Variants in TRIM36 observed in about 807,000 individuals in gnomAD.
TRIM36 encodes E3 ubiquitin-protein ligase TRIM36.
TRIM36 carries 42 observed loss-of-function variants against 72.4 expected under a neutral mutation model. The observed-to-expected ratio is 0.58, with a 90% CI of 0.45 to 0.75. TRIM36 has a LOEUF of 0.75. Among genes scored for constraint, TRIM36 ranks in the 30% least tolerant of loss-of-function variants. TRIM36 has a pLI of 0.00. For missense variants in TRIM36, 913 were observed against 857.1 expected (o/e 1.07, Z -0.81); for synonymous variants, 315 against 282.8 (o/e 1.11, Z -1.14).
At chr5:115,141,138 G>T in intron 5 of TRIM36, 141 bp downstream of exon 5, 2 of 596,434 alleles carry the variant, frequency 3.4e-6, no homozygotes. Flanking sequence ...TGTTTCCATA[G>T]CCCCAGAAAA....
Position 115,145,941 on chromosome 5 carries a change from G to C in TRIM36, c.588+1128C>G, listed in dbSNP as rs531997864. ...CCATAGCATTTGCCTATACCATTTT[G>C]GACACCGTTTTAGAATTTTACTATA... is the stretch of plus-strand genomic sequence containing the variant. On this transcript the variant is annotated intron_variant, in intron 3 of 9. Transcript: ENST00000513154. Among the ~76,000 whole-genome samples the C allele has an allele frequency of 5.3e-5, 8 of 152,216 alleles. No individual in the cohort carries two copies. In the South Asian group the frequency reaches 1.7e-3, roughly 32 times the overall value.
chr5:115,136,067 T>TAAGC, intron 7 of TRIM36, among the ~76,000 whole-genome samples: 1 of 152,152 alleles, frequency 6.6e-6, no homozygotes, highest in African/African-American at 2.4e-5. Flanking sequence ...AATACAAACG[T>TAAGC]AAGCAAGTGT....
chr5:115,169,412 G>C (rs1270735348), intron 1 of TRIM36, among the ~76,000 whole-genome samples, 196 bp downstream of exon 1: 1 of 152,258 alleles, frequency 6.6e-6, no homozygotes, highest in African/African-American at 2.4e-5. Context: ...CCGGCTCTCG[G>C]GGATAGAAAG....
chr5:115,135,221 G>C (rs891550648), intron 7 of TRIM36, among the ~76,000 whole-genome samples: 6 of 152,044 alleles, frequency 3.9e-5, no homozygotes, highest in African/African-American at 1.4e-4. Context: ...CGCTATAAAA[G>C]CTACACACAC....
Position 115,137,053 on chromosome 5 carries a change from A to G in TRIM36, c.1157T>C (p.Val386Ala). 1.2e-6 allele frequency: 2 copies of G among 1,611,836 alleles called. No homozygotes were observed. Among genetic ancestry groups the G allele is most frequent in the South Asian group, 1.1e-5 (1 of 90,378 alleles). Residue 386 changes from valine to alanine, a missense_variant, in exon 7 of 10, where the codon GTT (valine) becomes GCT (alanine). Transcript: ENST00000513154. Reference sequence around the variant, plus strand: ...AAGTTCTGTTTGTTTAGAGGTATTAACAACATAGTCTTCAAAAGAAGTCTG... The same window carrying G: ...AAGTTCTGTTTGTTTAGAGGTATTAGCAACATAGTCTTCAAAAGAAGTCTG... ...AAQTSFEDYV[V>A]NTSKQTELLG...
Position 115,147,333 on chromosome 5 carries a change from A to G in TRIM36, c.324T>C (p.His108=), listed in dbSNP as rs1436016700. Reference sequence around the variant, plus strand: ...TTCCTCGTTCTCCAAGATCCACATCATGCTCACAGCCAGGGCAAGGGAAAA... The same window carrying G: ...TTCCTCGTTCTCCAAGATCCACATCGTGCTCACAGCCAGGGCAAGGGAAAA... ...TTVFPCPGCE[H]DVDLGERGIN... Residue 108 remains histidine (H), a synonymous_variant, in exon 3 of 10, where the codon CAT becomes CAC. Transcript: ENST00000513154. The G allele has an allele frequency of 1.2e-6, 2 of 1,614,196 alleles. No individual in the cohort carries two copies. Among genetic ancestry groups the G allele is most frequent in the Non-Finnish European group, 1.7e-6 (2 of 1,180,006 alleles).
At position 115,164,249 on chromosome 5, in the gene TRIM36, T is replaced by C. The variant is rs530922305; in HGVS notation, c.28-497A>G. 2.2e-4 allele frequency among the ~76,000 whole-genome samples: 34 copies of C among 152,336 alleles called. 1 individual carries two copies. The Middle Eastern group carries it at 0.01, about 46-fold the overall frequency. The stretch of plus-strand genomic sequence containing the variant: ...ACCTAGTTGGTATCTATTTACAAGC[T>C]GAATTATCAGCAATTTTCTACATTA... On this transcript the variant is annotated intron_variant, in intron 1 of 9. Coordinates refer to ENST00000513154, the MANE Select transcript of TRIM36 (RefSeq NM_001300759.2).
intron 8 of TRIM36, among the ~76,000 whole-genome samples, chr5:115,131,660 C>T (rs1278898359): frequency 6.6e-6 from 1 of 152,144 alleles, no homozygotes; most frequent in Non-Finnish European, 1.5e-5. Context: ...ATACATGCTA[C>T]AACATGGATA....
At chr5:115,170,594 T>A (rs1755063634), upstream of TRIM36, among the ~76,000 whole-genome samples, 1 of 152,202 alleles carries the variant, frequency 6.6e-6, no homozygotes, top group African/African-American at 2.4e-5. Context: ...GTGAACTTAA[T>A]AGTCCCTGAC....
At chr5:115,152,961 A>AAAC (rs531996588) in intron 2 of TRIM36, among the ~76,000 whole-genome samples, 3 of 152,294 alleles carry the variant, frequency 2.0e-5, no homozygotes, top group South Asian at 2.1e-4. Flanking sequence ...AAGATTTAAA[A>AAAC]AACAACAACA....
At chr5:115,178,558 G>C (rs1409569047) in intron 1 of TRIM36, among the ~76,000 whole-genome samples, 1 of 152,162 alleles carries the variant, frequency 6.6e-6, no homozygotes, top group South Asian at 2.1e-4. Context: ...ATGCACCCTA[G>C]GCCCGAAGGG....
At chr5:115,141,525 G>A (rs933830242) in intron 4 of TRIM36, 151 bp from the exon 5 acceptor site, 30 of 486,740 alleles carry the variant, frequency 6.2e-5, no homozygotes, top group East Asian at 1.7e-4. Context: ...TTATTAACCC[G>A]GAGTAAACAG....
chr5:115,165,442 T>A (rs745869277), intron 1 of TRIM36, among the ~76,000 whole-genome samples: 4 of 152,348 alleles, frequency 2.6e-5, no homozygotes, highest in Non-Finnish European at 5.9e-5. Flanking sequence ...TTGACTTTTG[T>A]GCACTGGTAG....
chr5:115,159,492 A>G (rs1405552423), intron 2 of TRIM36: 3 of 253,632 alleles, frequency 1.2e-5, no homozygotes, highest in African/African-American at 6.9e-5. Flanking sequence ...AGTCCTGTTG[A>G]CCTTTAAGTC....
At chr5:115,149,759 T>C (rs1275283776) in intron 2 of TRIM36, 1 of 151,944 alleles carries the variant, frequency 6.6e-6, no homozygotes, top group African/African-American at 2.4e-5. Flanking sequence ...AAACAGATCT[T>C]GAAAGCTCTT....
chr5:115,150,689 C>T (rs1431050652), intron 2 of TRIM36, among the ~76,000 whole-genome samples: 1 of 152,166 alleles, frequency 6.6e-6, no homozygotes. Flanking sequence ...CCTACAGGAC[C>T]TGGGAGACAC....
chr5:115,171,092 A>G, upstream of TRIM36: 1 of 1,614,232 alleles, frequency 6.2e-7, no homozygotes, highest in Non-Finnish European at 8.5e-7. Context: ...AGCTGTAGCG[A>G]GACATCTCGT....
rs1755004087 is a variant in TRIM36, at chr5:115,169,851, C to G, written c.-217G>C. The G allele has an allele frequency of 6.1e-6, 8 of 1,307,986 alleles. No individual in the cohort carries two copies. The highest frequency in any genetic ancestry group is 1.5e-5 in the African/African-American group (1 of 65,184). The allele number at this position is 1,307,986 out of a possible 1,614,324, so 81.0% of individuals were successfully genotyped here. A position where few individuals can be genotyped will look rare whatever the true frequency, so the allele number is the denominator to read the frequency against. The stretch of plus-strand genomic sequence containing the variant: ...CGGGAGAAGCGAGCTTTGCTCCCAG[C>G]GACTACCCCGGGAATCCCGCCCAGC... On this transcript the variant is annotated 5_prime_UTR_variant, in exon 1 of 10. Coordinates refer to ENST00000513154, the MANE Select transcript of TRIM36 (RefSeq NM_001300759.2).
chr5:115,163,664 C>G lies in TRIM36; in HGVS notation c.116G>C (p.Ser39Thr). 1 of 1,614,148 alleles carries G rather than the reference C, an allele frequency of 6.2e-7. No homozygotes were observed. The highest frequency in any genetic ancestry group is 8.5e-7 in the Non-Finnish European group (1 of 1,180,046). Residue 39 changes from serine to threonine, a missense_variant, in exon 2 of 10, where the codon AGT becomes ACT. Coordinates refer to ENST00000513154, the MANE Select transcript of TRIM36 (RefSeq NM_001300759.2). The stretch of plus-strand genomic sequence containing the variant: ...TTCTTTTACACATTTATGACAGATA[C>G]TATGTTGGCAAGGGAGAATCAATGG... ...THPLILPCQHSICHKCVKELL... is the reference protein window; with the variant it reads ...THPLILPCQHTICHKCVKELL...
Sources: allele counts gnomAD v4.1 joint callset (sites outside exome capture counted in the v4.1 genomes callset), GRCh38; gene constraint gnomAD v4.1.1; transcripts MANE v1.5; gene names NCBI Gene and HGNC (gene_info 2026-07-23, HGNC 2026-07-21).